RUNDC3B: variants seen among roughly 807,000 people sequenced by gnomAD.
The protein encoded by RUNDC3B is RUN domain containing 3B.
In RUNDC3B, 33 loss-of-function variants were observed where a neutral mutation model predicts 58.4. The observed-to-expected ratio is 0.56, with a 90% CI of 0.43 to 0.75. The LOEUF (loss-of-function observed/expected upper bound fraction) is 0.75, where lower values mean the gene tolerates loss of function less well. Among genes scored for constraint, RUNDC3B ranks in the 30% least tolerant of loss-of-function variants. RUNDC3B has a pLI of 0.00. For missense variants in RUNDC3B, 501 were observed against 535.7 expected, an observed-to-expected ratio of 0.94 and a Z score of 0.64; for synonymous variants, 193 against 195.2, an observed-to-expected ratio of 0.99 and a Z score of 0.10.
chr7:87,827,700 C>A (rs746836154), intron 10 of RUNDC3B, among the ~76,000 whole-genome samples: 81 of 152,078 alleles, frequency 5.3e-4, no homozygotes, highest in Non-Finnish European at 1.0e-4. Flanking sequence ...ACATACTATT[C>A]TCAGTATAAG....
At chr7:87,763,397 ATTTTAC>A (rs533290115) in intron 6 of RUNDC3B, among the ~76,000 whole-genome samples, 120 of 151,590 alleles carry the variant, frequency 7.9e-4, no homozygotes, top group African/African-American at 2.7e-3. Flanking sequence ...TTATTAGGTC[ATTTTAC>A]TTTTTCTTAT....
chr7:87,799,671 G>A (rs1014438461), intron 8 of RUNDC3B, among the ~76,000 whole-genome samples: 3 of 151,944 alleles, frequency 2.0e-5, no homozygotes, highest in Admixed American at 6.6e-5. Flanking sequence ...GGTGGATCAC[G>A]AGGTCAAGAG....
intron 4 of RUNDC3B, among the ~76,000 whole-genome samples, chr7:87,730,669 G>A (rs1831522959): frequency 1.3e-5 from 2 of 151,578 alleles, no homozygotes; most frequent in South Asian, 4.2e-4. Context: ...CAGACCTGGT[G>A]GAATTTGCCA....
chr7:87,662,104 T>C (rs1456106595), intron 2 of RUNDC3B, among the ~76,000 whole-genome samples: 1 of 152,060 alleles, frequency 6.6e-6, no homozygotes, highest in African/African-American at 2.4e-5. Flanking sequence ...TAATTATTAG[T>C]TTTTTCCTGT....
intron 1 of RUNDC3B, among the ~76,000 whole-genome samples, chr7:87,649,730 T>A (rs1823384510): frequency 6.6e-6 from 1 of 152,214 alleles, no homozygotes; most frequent in Admixed American, 6.5e-5. Flanking sequence ...AATCTCATCT[T>A]GAATTGTAGC....
At chr7:87,783,538 A>T (rs1835050371) in intron 8 of RUNDC3B, among the ~76,000 whole-genome samples, 1 of 152,002 alleles carries the variant, frequency 6.6e-6, no homozygotes, top group South Asian at 2.1e-4. Context: ...TTTTGATCCT[A>T]TCCTGGTGCT....
chr7:87,742,813 C>T (rs1044674626), intron 6 of RUNDC3B, among the ~76,000 whole-genome samples: 15 of 151,792 alleles, frequency 9.9e-5, no homozygotes, highest in South Asian at 2.1e-4. Flanking sequence ...GAATATAAGA[C>T]GAAAATTTAG....
rs570645592 is a variant in RUNDC3B at position 87,718,961 on chromosome 7, G to A, written c.458+8306G>A. Among the ~76,000 whole-genome samples the A allele has an allele frequency of 5.9e-5, 9 of 152,062 alleles. 1 individual carries two copies. Among genetic ancestry groups the A allele is most frequent in the South Asian group, 2.1e-4 (1 of 4,824 alleles). On this transcript the variant is annotated intron_variant, in intron 4 of 10. Transcript: ENST00000394654. ...GATAAGGTTTTGTAACTAGAAAACC[G>A]TAGAGATTCAGTAATAAAACTAAAT...
chr7:87,653,307 G>A (rs1303231396), intron 2 of RUNDC3B, among the ~76,000 whole-genome samples: 1 of 151,996 alleles, frequency 6.6e-6, no homozygotes, highest in Non-Finnish European at 1.5e-5. Flanking sequence ...CACTGCAAAA[G>A]CTGGATAAAT....
At chr7:87,829,552 T>C (rs1838023876) in intron 10 of RUNDC3B, among the ~76,000 whole-genome samples, 1 of 152,176 alleles carries the variant, frequency 6.6e-6, no homozygotes, top group Admixed American at 6.6e-5. Flanking sequence ...CATTGGTCTT[T>C]GTGTCTGTAT....
At chr7:87,739,902 GT>G in intron 5 of RUNDC3B, 22 bp downstream of exon 5, 1 of 1,218,440 alleles carries the variant, frequency 8.2e-7, no homozygotes, top group Non-Finnish European at 1.2e-6. Context: ...AATGCATTCA[GT>G]TTTTAAATTA....
chr7:87,830,039 G>A lies in RUNDC3B; in HGVS notation c.*9G>A, dbSNP rs1450982902. The A allele has an allele frequency of 2.6e-6, 4 of 1,555,624 alleles. No individual in the cohort carries two copies. The highest frequency in any genetic ancestry group is 2.3e-5 in the East Asian group (1 of 42,962). ...GCCTAACTCCATCCTGAAAATTTTT[G>A]TGTAAAAGCCAAAACTTTTTATGTT... On this transcript the variant is annotated 3_prime_UTR_variant, in exon 11 of 11. Transcript: ENST00000394654.
chr7:87,702,591 A>C (rs1829191087), intron 3 of RUNDC3B, among the ~76,000 whole-genome samples: 1 of 152,094 alleles, frequency 6.6e-6, no homozygotes, highest in South Asian at 2.1e-4. Context: ...ATTATTTTTG[A>C]ATTACCTAAT....
chr7:87,714,504 T>G (rs770280667), intron 4 of RUNDC3B, among the ~76,000 whole-genome samples: 1 of 152,190 alleles, frequency 6.6e-6, no homozygotes, highest in Non-Finnish European at 1.5e-5. Context: ...ATTTACAATA[T>G]AGTGTGTGTG....
intron 2 of RUNDC3B, among the ~76,000 whole-genome samples, chr7:87,681,790 C>T (rs1374242272): frequency 6.6e-6 from 1 of 152,164 alleles, no homozygotes; most frequent in East Asian, 1.9e-4. Flanking sequence ...GCAGGAGGAT[C>T]ACTTGAGTTC....
chr7:87,785,594 C>T (rs1390026541), intron 8 of RUNDC3B, among the ~76,000 whole-genome samples: 2 of 152,168 alleles, frequency 1.3e-5, no homozygotes, highest in South Asian at 2.1e-4. Context: ...CACCCTCTTA[C>T]AGGAATGGCG....
At chr7:87,738,505 G>C (rs1832122804) in intron 4 of RUNDC3B, among the ~76,000 whole-genome samples, 1 of 151,940 alleles carries the variant, frequency 6.6e-6, no homozygotes, top group Non-Finnish European at 1.5e-5. Context: ...ATCTGTCAGA[G>C]AGTAAATAGT....
intron 2 of RUNDC3B, among the ~76,000 whole-genome samples, chr7:87,694,845 T>A (rs1175184776): frequency 6.6e-6 from 1 of 152,202 alleles, no homozygotes; most frequent in East Asian, 1.9e-4. Context: ...ATATTCAGAT[T>A]TTTGCTGAAC....
intron 8 of RUNDC3B, among the ~76,000 whole-genome samples, chr7:87,787,200 A>G (rs1584207809): frequency 6.6e-6 from 1 of 152,278 alleles, no homozygotes; most frequent in South Asian, 2.1e-4. Flanking sequence ...AACAGTGTGG[A>G]TATTTTTGCA....
Sources: gnomAD v4.1 joint callset for allele counts (sites outside exome capture counted in the v4.1 genomes callset) on GRCh38, gnomAD v4.1.1 for gene constraint, MANE v1.5 for transcripts, NCBI Gene and HGNC (gene_info 2026-07-23, HGNC 2026-07-21) for gene names.